Variants in TYK2 observed in about 807,000 individuals in gnomAD.
The protein encoded by TYK2 is tyrosine kinase 2, also known as non-receptor tyrosine-protein kinase TYK2.
TYK2 carries 65 observed loss-of-function variants against 130.9 expected under a neutral mutation model. That is an observed-to-expected ratio of 0.50 (90% CI 0.41 to 0.61). The LOEUF is 0.61. Ranked by LOEUF, TYK2 falls within the 20% of genes least tolerant of loss-of-function variation. The pLI is 0.00. For missense variants in TYK2, 1,378 were observed against 1,610.7 expected, an observed-to-expected ratio of 0.86 and a Z score of 2.47; for synonymous variants, 647 against 658.9, an observed-to-expected ratio of 0.98 and a Z score of 0.28.
chr19:10,350,538 A>G lies in TYK2; in HGVS notation c.*296T>C. On this transcript the variant is annotated 3_prime_UTR_variant, in exon 25 of 25. Transcript: ENST00000525621. ...CCAAAAATCACAGGCTCCAGCAGAG[A>G]AAACATGAGTTTATTACCAGATGGT... is the stretch of plus-strand genomic sequence containing the variant. The G allele has an allele frequency of 2.2e-6, 1 of 462,592 alleles. No homozygotes were observed. Among genetic ancestry groups the G allele is most frequent in the Non-Finnish European group, 3.9e-6 (1 of 253,520 alleles). The allele number at this position is 462,592 out of a possible 1,614,324, so 28.7% of individuals were successfully genotyped here.
intron 14 of TYK2, among the ~76,000 whole-genome samples, chr19:10,360,751 A>T (rs1003736493): frequency 6.6e-6 from 1 of 151,420 alleles, no homozygotes; most frequent in African/African-American, 2.4e-5. Flanking sequence ...TTTATTTTTT[A>T]TTTATTTATT....
In TYK2 at chr19:10,362,351, C is replaced by T; in HGVS notation, c.1582G>A (p.Glu528Lys). ...GWGRSFPSVR[E>K]LGAALQGCLL... ...CAGCCCTGCAAGGCAGCCCCAAGTTCCCGAACGCTGGGGAAGGACCGGCCC... is the reference window on the plus strand; with the variant it reads ...CAGCCCTGCAAGGCAGCCCCAAGTTTCCGAACGCTGGGGAAGGACCGGCCC... The change falls in exon 11 of 25, where the codon GAA (glutamate) becomes AAA (lysine). Residue 528 changes from glutamate (E) to lysine (K), a missense_variant. Transcript: ENST00000525621. The T allele has an allele frequency of 2.5e-6, 4 of 1,614,136 alleles. No homozygotes were observed. Among genetic ancestry groups the T allele is most frequent in the East Asian group, 2.2e-5 (1 of 44,882 alleles).
At chr19:10,352,640 G>A in intron 22 of TYK2, 89 bp from the exon 23 acceptor site, 1 of 768,058 alleles carries the variant, frequency 1.3e-6, no homozygotes, top group Non-Finnish European at 2.2e-6. Context: ...GAGACTGAAG[G>A]ACCCTCTGGG....
chr19:10,366,642 G>A, intron 5 of TYK2, 62 bp from the exon 6 acceptor site: 1 of 1,595,466 alleles, frequency 6.3e-7, no homozygotes, highest in Non-Finnish European at 8.6e-7. Context: ...TAGCCCAGAG[G>A]TATCCAATCT....
chr19:10,362,140 G>C lies in TYK2; in HGVS notation c.1711C>G (p.Pro571Ala). The change falls in exon 12 of 25, where the codon CCC becomes GCC. Residue 571 changes from proline to alanine, a missense_variant. By Grantham distance (27) the Pro-to-Ala change is conservative. Coordinates refer to ENST00000525621, the MANE Select transcript of TYK2 (RefSeq NM_003331.5). ...LIIMRGARAS[P>A]RTLNLSQLSF... Reference sequence around the variant, plus strand: ...AGCTGGCTGAGGTTGAGTGTCCTGGGGCTGGCCCGAGCCCCCCGCATGATG... The same window carrying C: ...AGCTGGCTGAGGTTGAGTGTCCTGGCGCTGGCCCGAGCCCCCCGCATGATG... 1 of 1,614,072 alleles carries C rather than the reference G, an allele frequency of 6.2e-7. No homozygotes were observed. Among genetic ancestry groups the C allele is most frequent in the East Asian group, 2.2e-5 (1 of 44,876 alleles).
At chr19:10,367,356 T>A (rs1443000265) in intron 5 of TYK2, among the ~76,000 whole-genome samples, 4 of 152,104 alleles carry the variant, frequency 2.6e-5, no homozygotes, top group Non-Finnish European at 5.9e-5. Flanking sequence ...CTGGGCATGG[T>A]GGCTCACACC....
chr19:10,373,039 AT>A (rs951748152), intron 3 of TYK2, among the ~76,000 whole-genome samples: 375 of 133,002 alleles, frequency 2.8e-3, no homozygotes, highest in East Asian at 0.013. Flanking sequence ...AATTTTTTGT[AT>A]TTTTTTTTTT....
intron 3 of TYK2, among the ~76,000 whole-genome samples, chr19:10,372,880 A>G (rs1488241851): frequency 1.3e-5 from 2 of 151,764 alleles, no homozygotes; most frequent in African/African-American, 2.4e-5. Context: ...GTGAAACAAT[A>G]TATATTTTTT....
In TYK2 at chr19:10,380,380, C is replaced by G. The variant is rs909159557; in HGVS notation, c.-186G>C. 6.6e-6 allele frequency: 1 copy of G among 152,490 alleles called. No homozygotes were observed. Among genetic ancestry groups the G allele is most frequent in the Non-Finnish European group, 1.5e-5 (1 of 68,116 alleles). The allele number at this position is 152,490 out of a possible 1,614,324, so 9.4% of individuals were successfully genotyped here. On this transcript the variant is annotated splice_region_variant and 5_prime_UTR_variant, in exon 1 of 25. Coordinates refer to ENST00000525621, the MANE Select transcript of TYK2 (RefSeq NM_003331.5). ...GGCGGGAACTGGGATGTGCACCCACCGGGCATCGGAGCAGTCCCGAGGCAC... is the reference window on the plus strand; with the variant it reads ...GGCGGGAACTGGGATGTGCACCCACGGGGCATCGGAGCAGTCCCGAGGCAC...
rs778619604 is a variant in TYK2 at position 10,356,658 on chromosome 19, T to G, written c.2527A>C (p.Thr843Pro). ...TAGGTCAGACACTGGCTGGTGAGTG[T>G]GGCCAGCTGTGGGCAGGAGGGCTCG... Reference protein sequence around the residue: ...LPEPSCPQLATLTSQCLTYEP... With the variant: ...LPEPSCPQLAPLTSQCLTYEP... The change falls in exon 18 of 25, where the codon ACA (threonine) becomes CCA (proline). Residue 843 changes from threonine to proline, a missense_variant. Thr to Pro is a conservative substitution (Grantham distance 38). Coordinates refer to ENST00000525621, the MANE Select transcript of TYK2 (RefSeq NM_003331.5). The G allele has an allele frequency of 6.2e-7, 1 of 1,612,786 alleles. No individual in the cohort carries two copies. Among genetic ancestry groups the G allele is most frequent in the East Asian group, 2.2e-5 (1 of 44,878 alleles).
chr19:10,367,972 T>C (rs540708014), intron 5 of TYK2, 83 bp downstream of exon 5: 31 of 1,515,644 alleles, frequency 2.0e-5, no homozygotes, highest in Middle Eastern at 2.3e-4. Context: ...ATTAGCTATA[T>C]TGAATCAGGG....
At chr19:10,375,424 C>G (rs540718233) in intron 3 of TYK2, among the ~76,000 whole-genome samples, 35 of 151,126 alleles carry the variant, frequency 2.3e-4, no homozygotes, top group Non-Finnish European at 3.7e-4. Context: ...TCGAGACCAG[C>G]CTGGCCAACA....
intron 3 of TYK2, among the ~76,000 whole-genome samples, chr19:10,374,340 T>C (rs1199792060): frequency 6.6e-6 from 1 of 150,942 alleles, no homozygotes; most frequent in Non-Finnish European, 1.5e-5. Context: ...TCCCAACACT[T>C]TGGGAGTCTG....
chr19:10,362,393 A>C lies in TYK2; in HGVS notation c.1540T>G (p.Phe514Val). The C allele has an allele frequency of 1.2e-6, 2 of 1,613,744 alleles. No homozygotes were observed. Among genetic ancestry groups the C allele is most frequent in the Non-Finnish European group, 1.7e-6 (2 of 1,179,872 alleles). ...KFPIEQQDGA[F>V]VLEGWGRSFP... ...GACCGGCCCCAGCCCTCCAGCACGAAGGCCCCGTCCTGCTGCTCAATGGGG... is the reference window on the plus strand; with the variant it reads ...GACCGGCCCCAGCCCTCCAGCACGACGGCCCCGTCCTGCTGCTCAATGGGG... The change falls in exon 11 of 25, where the codon TTC becomes GTC. Residue 514 changes from phenylalanine (F) to valine (V), a missense_variant. Transcript: ENST00000525621.
At chr19:10,380,050 T>C (rs2042310606) in intron 1 of TYK2, among the ~76,000 whole-genome samples, 1 of 152,152 alleles carries the variant, frequency 6.6e-6, no homozygotes, top group Admixed American at 6.6e-5. Flanking sequence ...GGTTTCCTCA[T>C]CTGGAAAATG....
rs1204474924 is a variant in TYK2 at position 10,356,655 on chromosome 19, G to A, written c.2530C>T (p.Leu844Phe). Residue 844 changes from leucine to phenylalanine, a missense_variant, in exon 18 of 25, where the codon CTC becomes TTC. By Grantham distance (22) the Leu-to-Phe change is conservative. Transcript: ENST00000525621. ...PEPSCPQLAT[L>F]TSQCLTYEPT... ...TCATAGGTCAGACACTGGCTGGTGA[G>A]TGTGGCCAGCTGTGGGCAGGAGGGC... 5 of 1,613,116 alleles carry A rather than the reference G, an allele frequency of 3.1e-6. No individual in the cohort carries two copies. The Admixed American group carries it at 5.0e-5, about 16-fold the overall frequency.
intron 3 of TYK2, among the ~76,000 whole-genome samples, chr19:10,374,899 T>G (rs1280263044): frequency 6.7e-6 from 1 of 149,202 alleles, no homozygotes; most frequent in African/African-American, 2.5e-5. Context: ...AAAAAAAAAA[T>G]CAGTCATGGC....
At chr19:10,362,478 G>A in intron 10 of TYK2, 22 bp from the exon 11 acceptor site, 4 of 1,579,952 alleles carry the variant, frequency 2.5e-6, no homozygotes, top group Non-Finnish European at 3.4e-6. Context: ...TGGCAGAGGT[G>A]GGAGCAGTAA....
At chr19:10,369,902 G>C (rs2041841769) in intron 3 of TYK2, 1 of 344,608 alleles carries the variant, frequency 2.9e-6, no homozygotes, top group Non-Finnish European at 5.7e-6. Context: ...AAATTAGCCA[G>C]GCATGGTGGC....
Sources: allele counts gnomAD v4.1 joint callset (sites outside exome capture counted in the v4.1 genomes callset), GRCh38; gene constraint gnomAD v4.1.1; transcripts MANE v1.5; gene names NCBI Gene and HGNC (gene_info 2026-07-23, HGNC 2026-07-21).